NDRG4: variants seen among roughly 807,000 people sequenced by gnomAD.
NDRG4 encodes the protein protein NDRG4.
A neutral mutation model predicts 55.8 loss-of-function variants in NDRG4; 38 were observed. That is an observed-to-expected ratio of 0.68 (90% confidence interval 0.53 to 0.89). The LOEUF is 0.89. Ranked by LOEUF, NDRG4 falls within the 40% of genes least tolerant of loss-of-function variation. The probability of loss-of-function intolerance (pLI) is 0.00; values close to 1 mark genes in which losing one functional copy is unlikely to be tolerated. For synonymous variants in NDRG4, 190 were observed against 182.7 expected, an observed-to-expected ratio of 1.04 and a Z score of -0.32; for missense variants, 455 against 468.6, an observed-to-expected ratio of 0.97 and a Z score of 0.27.
chr16:58,474,772 G>A (rs1028535418), intron 1 of NDRG4, among the ~76,000 whole-genome samples: 1 of 152,226 alleles, frequency 6.6e-6, no homozygotes, highest in Admixed American at 6.5e-5. Context: ...CACTCCTGGG[G>A]TATGGACATT....
chr16:58,473,766 C>G (rs979133075), intron 1 of NDRG4, among the ~76,000 whole-genome samples: 10 of 152,272 alleles, frequency 6.6e-5, no homozygotes, highest in African/African-American at 2.4e-4. Flanking sequence ...TAACTGGTCT[C>G]CCCATTTCCA....
chr16:58,509,244 C>T (rs1192584876), intron 12 of NDRG4, 55 bp downstream of exon 12: 3 of 1,613,904 alleles, frequency 1.9e-6, no homozygotes, highest in Admixed American at 1.7e-5. Context: ...AAGCCTCTAC[C>T]CTACCTGCTA....
intron 1 of NDRG4, among the ~76,000 whole-genome samples, chr16:58,485,743 G>A (rs1001917642): frequency 5.9e-5 from 9 of 152,068 alleles, no homozygotes; most frequent in Non-Finnish European, 1.3e-4. Context: ...TGGGAGCCGG[G>A]ACTCCAGCAT....
Position 58,474,028 on chromosome 16 carries a change from C to CTT in NDRG4, c.-24+10256_-24+10257dup, listed in dbSNP as rs1168834628. ...GTTTTTTCACTTTTCTTTTCTTTCC[C>CTT]TTTTTTTTTTTTTTTTTTTTTTTTT... On this transcript the variant is annotated intron_variant, in intron 1 of 15. Coordinates refer to the NDRG4 transcript ENST00000258187. Among the ~76,000 whole-genome samples, 370 of 101,222 alleles carry CTT rather than the reference C, an allele frequency of 3.7e-3. 21 individuals are homozygous for CTT. Among genetic ancestry groups the CTT allele is most frequent in the African/African-American group, 9.7e-3 (232 of 24,016 alleles). The allele number at this position is 101,222 out of a possible 152,430, so 66.4% of individuals were successfully genotyped here.
intron 1 of NDRG4, among the ~76,000 whole-genome samples, chr16:58,466,917 C>A (rs1374471198): frequency 6.6e-6 from 1 of 152,176 alleles, no homozygotes; most frequent in African/African-American, 2.4e-5. Flanking sequence ...ACCTCTTGGG[C>A]CCCACCTGTC....
intron 1 of NDRG4, among the ~76,000 whole-genome samples, chr16:58,503,413 T>C (rs755229675): frequency 6.6e-6 from 1 of 152,060 alleles, no homozygotes; most frequent in Non-Finnish European, 1.5e-5. Flanking sequence ...CAGCAGGAAG[T>C]GCCTGAGAGT....
intron 1 of NDRG4, among the ~76,000 whole-genome samples, chr16:58,476,089 G>T (rs999038064): frequency 6.6e-6 from 1 of 152,022 alleles, no homozygotes; most frequent in Non-Finnish European, 1.5e-5. Context: ...GAGCCACTGC[G>T]CCCAGCCATG....
intron 1 of NDRG4, among the ~76,000 whole-genome samples, chr16:58,473,837 G>C (rs2033210670): frequency 6.6e-6 from 1 of 151,934 alleles, no homozygotes; most frequent in Admixed American, 6.6e-5. Context: ...GATGAAAACT[G>C]TATCACATCA....
intron 13 of NDRG4, among the ~76,000 whole-genome samples, chr16:58,510,055 TCA>T (rs1235215515): frequency 2.0e-5 from 3 of 152,108 alleles, no homozygotes; most frequent in African/African-American, 7.2e-5. Flanking sequence ...CTTCCTCTTC[TCA>T]GTTTGTTTTT....
At chr16:58,509,242 A>T (rs2038457468) in intron 12 of NDRG4, 53 bp downstream of exon 12, 2 of 1,613,446 alleles carry the variant, frequency 1.2e-6, no homozygotes, top group Non-Finnish European at 1.7e-6. Context: ...GGAAGCCTCT[A>T]CCCTACCTGC....
chr16:58,483,882 T>C (rs2034763941), intron 1 of NDRG4, among the ~76,000 whole-genome samples: 2 of 152,062 alleles, frequency 1.3e-5, no homozygotes, highest in African/African-American at 4.8e-5. Flanking sequence ...CTGGCCAACA[T>C]AGTAAGACCC....
At chr16:58,475,862 T>C (rs1286791157) in intron 1 of NDRG4, among the ~76,000 whole-genome samples, 2 of 151,890 alleles carry the variant, frequency 1.3e-5, no homozygotes, top group East Asian at 3.9e-4. Context: ...AGTGGCACAA[T>C]CTTGGCACAC....
intron 2 of NDRG4, among the ~76,000 whole-genome samples, chr16:58,493,544 C>G (rs1190936676): frequency 6.6e-6 from 1 of 152,234 alleles, no homozygotes; most frequent in African/African-American, 2.4e-5. Context: ...GCTGGGATTA[C>G]AGGCATGAGC....
chr16:58,508,021 C>T (rs768076255), intron 10 of NDRG4, 22 bp downstream of exon 10: 5 of 1,525,796 alleles, frequency 3.3e-6, no homozygotes, highest in African/African-American at 1.4e-5. Context: ...GCTGTGGGCT[C>T]ACTGGGGGTG....
intron 8 of NDRG4, 103 bp from the exon 9 acceptor site, chr16:58,507,705 C>G: frequency 9.2e-7 from 1 of 1,092,258 alleles, no homozygotes; most frequent in Non-Finnish European, 1.4e-6. Flanking sequence ...CAGAGCAGGT[C>G]CACGCCTCCC....
intron 1 of NDRG4, among the ~76,000 whole-genome samples, chr16:58,479,741 C>T (rs1044748006): frequency 2.0e-5 from 3 of 152,166 alleles, no homozygotes; most frequent in Admixed American, 6.5e-5. Context: ...AGGGAACATC[C>T]GAGCGAACAA....
At chr16:58,510,206 C>T (rs546676253) in intron 13 of NDRG4, among the ~76,000 whole-genome samples, 224 of 152,344 alleles carry the variant, frequency 1.5e-3, no homozygotes, top group South Asian at 0.015. Context: ...AGGGAGGCTC[C>T]GCAGGAGCAC....
rs745877706 is a variant in NDRG4 at position 58,503,742 on chromosome 16, A to G, written c.22-56A>G. 41 of 1,609,160 alleles carry G rather than the reference A, an allele frequency of 2.5e-5. 1 individual carries two copies. Among genetic ancestry groups the G allele is most frequent in the Non-Finnish European group, 3.3e-5 (39 of 1,178,494 alleles). On this transcript the variant is annotated intron_variant, in intron 1 of 14. Transcript: ENST00000570248. ...ACCAGGCTGCGTCACCTCATTCCCCAGAGGAGCCAAGAGCGGAGGCTGCCC... is the reference window on the plus strand; with the variant it reads ...ACCAGGCTGCGTCACCTCATTCCCCGGAGGAGCCAAGAGCGGAGGCTGCCC...
At chr16:58,481,487 T>C (rs1344416403) in intron 1 of NDRG4, among the ~76,000 whole-genome samples, 3 of 151,756 alleles carry the variant, frequency 2.0e-5, no homozygotes, top group South Asian at 2.1e-4. Flanking sequence ...TGCAGGGTGG[T>C]GGTGTGGTTG....
Sources: gnomAD v4.1 joint callset for allele counts (sites outside exome capture counted in the v4.1 genomes callset) on GRCh38, gnomAD v4.1.1 for gene constraint, MANE v1.5 for transcripts, NCBI Gene and HGNC (gene_info 2026-07-23, HGNC 2026-07-21) for gene names.